The following ZNF347 variants were observed in gnomAD, a reference collection of about 807,000 sequenced individuals.
The protein encoded by ZNF347 is zinc finger protein 347, also known as CTD-2620I22.7.
In ZNF347, 19 loss-of-function variants were observed where a neutral mutation model predicts 12.9. The observed-to-expected ratio is 1.47, with a 90% confidence interval of 1.03 to 2.16. ZNF347 has a LOEUF of 2.16. ZNF347 is among the 30% of genes most tolerant of loss of function. ZNF347 has a pLI of 0.00. For synonymous variants in ZNF347, 328 were observed against 340.6 expected (o/e 0.96, Z 0.41); for missense variants, 1,005 against 990.6 (o/e 1.01, Z -0.19).
intron 4 of ZNF347, among the ~76,000 whole-genome samples, chr19:53,144,343 A>T (rs1035003437): frequency 6.6e-5 from 10 of 152,208 alleles, no homozygotes; most frequent in Non-Finnish European, 1.2e-4. Context: ...ACTTAGATAA[A>T]ATAGACTTTA....
At chr19:53,155,139 T>C (rs1160437022) in intron 1 of ZNF347, among the ~76,000 whole-genome samples, 1 of 152,070 alleles carries the variant, frequency 6.6e-6, no homozygotes, top group Non-Finnish European at 1.5e-5. Flanking sequence ...TGTTTCACCA[T>C]GTTGGCCAGG....
rs2090385684 is a variant in ZNF347 at position 53,135,779 on chromosome 19, A to G, written c.*4529T>C. ...ATGATTCAGTTGTTACACATAAAGC[A>G]TTAATAACTGTGATTCTTACTCTAA... is the stretch of plus-strand genomic sequence containing the variant. On this transcript the variant is annotated 3_prime_UTR_variant, in exon 5 of 5. Transcript: ENST00000334197. 6.6e-6 allele frequency: 1 copy of G among 152,256 alleles called. No homozygotes were observed. The highest frequency in any genetic ancestry group is 1.9e-4 in the East Asian group (1 of 5,200). The allele number at this position is 152,256 out of a possible 1,614,324, so 9.4% of individuals were successfully genotyped here. A position where few individuals can be genotyped will look rare whatever the true frequency, so the allele number is the denominator to read the frequency against.
At chr19:53,144,668 A>G (rs2090451472) in intron 4 of ZNF347, among the ~76,000 whole-genome samples, 1 of 152,132 alleles carries the variant, frequency 6.6e-6, no homozygotes, top group Non-Finnish European at 1.5e-5. Flanking sequence ...TATGTTGCCC[A>G]GGCTGTGGTC....
chr19:53,147,979 G>T (rs2090473779), intron 4 of ZNF347, among the ~76,000 whole-genome samples: 1 of 152,100 alleles, frequency 6.6e-6, no homozygotes, highest in African/African-American at 2.4e-5. Flanking sequence ...CTAATAAAAA[G>T]TCTCAACAAC....
intron 4 of ZNF347, among the ~76,000 whole-genome samples, chr19:53,146,123 G>A (rs557646078): frequency 6.6e-6 from 1 of 152,022 alleles, no homozygotes; most frequent in East Asian, 1.9e-4. Flanking sequence ...TTACAGGCAT[G>A]TGCCCCCACG....
rs1386831236 is a variant in ZNF347 at position 53,140,778 on chromosome 19, T to G, written c.2050A>C (p.Asn684His). The G allele has an allele frequency of 6.2e-7, 1 of 1,612,920 alleles. No individual in the cohort carries two copies. The highest frequency in any genetic ancestry group is 8.5e-7 in the Non-Finnish European group (1 of 1,179,396). Residue 684 changes from asparagine to histidine, a missense_variant, in exon 5 of 5, where the codon AAT (asparagine) becomes CAT (histidine). By Grantham distance (68) the Asn-to-His change is moderately conservative. Coordinates refer to ENST00000334197, the MANE Select transcript of ZNF347 (RefSeq NM_032584.3). ...TGACTAAAGGCTTTGCCACATTCATTACACTGGTAAGGTTTACCTCCAGTA... is the reference window on the plus strand; with the variant it reads ...TGACTAAAGGCTTTGCCACATTCATGACACTGGTAAGGTTTACCTCCAGTA... Reference protein sequence around the residue: ...VHTGGKPYQCNECGKAFSQTS... With the variant: ...VHTGGKPYQCHECGKAFSQTS...
chr19:53,148,668 T>C lies in ZNF347; in HGVS notation c.271+13A>G, dbSNP rs943848683. On this transcript the variant is annotated intron_variant, in intron 4 of 4. Transcript: ENST00000334197. ...TAATAAACGGCATTTTCTCTACCCA[T>C]CTGAACTCTTACCTGTGATCACAGC... 5 of 1,610,154 alleles carry C rather than the reference T, an allele frequency of 3.1e-6. No homozygotes were observed. Among genetic ancestry groups the C allele is most frequent in the Admixed American group, 1.7e-5 (1 of 59,426 alleles).
At chr19:53,146,282 A>AT (rs1162603032) in intron 4 of ZNF347, among the ~76,000 whole-genome samples, 1 of 150,856 alleles carries the variant, frequency 6.6e-6, no homozygotes, top group Non-Finnish European at 1.5e-5. Context: ...GCCTAAAAAA[A>AT]TTTTTTTTTA....
At chr19:53,153,590 G>C in intron 2 of ZNF347, 143 bp downstream of exon 2, 3 of 1,438,382 alleles carry the variant, frequency 2.1e-6, no homozygotes, top group Admixed American at 1.8e-5. Flanking sequence ...AGTGAGATGA[G>C]AGGGACTGAG....
chr19:53,157,119 C>A (rs1458160736), intron 1 of ZNF347, among the ~76,000 whole-genome samples: 1 of 152,126 alleles, frequency 6.6e-6, no homozygotes, highest in African/African-American at 2.4e-5. Context: ...GAAGTCACTG[C>A]CCTCTGGTTT....
intron 2 of ZNF347, among the ~76,000 whole-genome samples, chr19:53,153,036 C>T (rs1047270210): frequency 1.3e-5 from 2 of 152,230 alleles, no homozygotes; most frequent in African/African-American, 4.8e-5. Context: ...AATAACCACT[C>T]TCACCTAGCA....
chr19:53,144,079 G>C lies in ZNF347; in HGVS notation c.272-1523C>G, dbSNP rs77539296. On this transcript the variant is annotated intron_variant, in intron 4 of 4. Transcript: ENST00000334197. The stretch of plus-strand genomic sequence containing the variant: ...CTTCTCTCTTGCTTTCTTTCTTACT[G>C]TCTTCCTTTGTGTTTAAGTGATTTC... Among the ~76,000 whole-genome samples the C allele has an allele frequency of 6.1e-3, 437 of 71,766 alleles. 2 individuals are homozygous for C. The highest frequency in any genetic ancestry group is 0.015 in the Admixed American group (78 of 5,376). The allele number at this position is 71,766 out of a possible 152,430, so 47.1% of individuals were successfully genotyped here.
At chr19:53,145,636 G>T (rs199781328) in intron 4 of ZNF347, among the ~76,000 whole-genome samples, 7 of 151,784 alleles carry the variant, frequency 4.6e-5, no homozygotes, top group Admixed American at 4.6e-4. Flanking sequence ...CAAGCAATCC[G>T]CCTGCCTCAG....
Position 53,158,988 on chromosome 19 carries a change from TC to T in ZNF347, c.-47+20del, listed in dbSNP as rs2090554946. The T allele has an allele frequency of 6.6e-6, 1 of 150,846 alleles. No homozygotes were observed. The highest frequency in any genetic ancestry group is 2.1e-4 in the South Asian group (1 of 4,768). 9.3% of individuals were successfully genotyped at this position (150,846 alleles called of 1,614,324 possible). ...GGGGCACGGCGGTTCGCAAGTTTAA[TC>T]CATACTGAGGGACACTCACGCTCGG... On this transcript the variant is annotated intron_variant, in intron 1 of 4. Transcript: ENST00000334197.
intron 4 of ZNF347, among the ~76,000 whole-genome samples, chr19:53,148,413 G>A (rs1031979575): frequency 2.6e-5 from 4 of 152,150 alleles, no homozygotes; most frequent in Non-Finnish European, 4.4e-5. Context: ...GTGCCACACG[G>A]AGTCAAGGAA....
rs1259529247 is a variant in ZNF347, at chr19:53,137,889, C to A, written c.*2419G>T. 6.6e-6 allele frequency: 1 copy of A among 152,096 alleles called. No homozygotes were observed. Among genetic ancestry groups the A allele is most frequent in the Non-Finnish European group, 1.5e-5 (1 of 68,018 alleles). 9.4% of individuals were successfully genotyped at this position (152,096 alleles called of 1,614,324 possible). A position where few individuals can be genotyped will look rare whatever the true frequency, so the allele number is the denominator to read the frequency against. ...TCTCGGCTCACTGCAACCTCCACCT[C>A]CTGGGTTCAAGTGATTCTCCTGCCT... On this transcript the variant is annotated 3_prime_UTR_variant, in exon 5 of 5. Coordinates refer to ENST00000334197, the MANE Select transcript of ZNF347 (RefSeq NM_032584.3).
rs536591089 is a variant in ZNF347, at chr19:53,140,329, G to C, written c.2499C>G (p.Cys833Trp). 1.9e-6 allele frequency: 3 copies of C among 1,555,992 alleles called. No individual in the cohort carries two copies. In the African/African-American group the frequency reaches 4.1e-5, roughly 21 times the overall value. Reference sequence around the variant, plus strand: ...TCCACTATGAATTCTGTGATGGCTTGCAAGGTTTGAACTCTGACTTTAGAA... The same window carrying C: ...TCCACTATGAATTCTGTGATGGCTTCCAAGGTTTGAACTCTGACTTTAGAA... The part of the protein sequence containing the change: ...WKVLKSEFKP[C>W]KPSQNS Residue 833 changes from cysteine to tryptophan, a missense_variant, in exon 5 of 5, where the codon TGC becomes TGG. Transcript: ENST00000334197.
At chr19:53,146,724 A>G (rs1017162490) in intron 4 of ZNF347, among the ~76,000 whole-genome samples, 7 of 152,218 alleles carry the variant, frequency 4.6e-5, no homozygotes, top group African/African-American at 1.4e-4. Context: ...ACAAAGGACC[A>G]TTAGGGACAA....
chr19:53,151,407 G>A (rs145241232), intron 2 of ZNF347, among the ~76,000 whole-genome samples: 84 of 151,844 alleles, frequency 5.5e-4, no homozygotes, highest in African/African-American at 1.9e-3. Flanking sequence ...GCATGGTGGC[G>A]GGCACCTGTA....
Sources: allele counts gnomAD v4.1 joint callset (sites outside exome capture counted in the v4.1 genomes callset), GRCh38; gene constraint gnomAD v4.1.1; transcripts MANE v1.5; gene names NCBI Gene and HGNC (gene_info 2026-07-23, HGNC 2026-07-21).